PDE1C: variants seen among roughly 807,000 people sequenced by gnomAD.
PDE1C encodes dual specificity calcium/calmodulin-dependent 3',5'-cyclic nucleotide phosphodiesterase 1C.
Under a neutral mutation model 93.1 loss-of-function variants are expected in PDE1C, and 62 were observed. That is an observed-to-expected ratio of 0.67 (90% CI 0.54 to 0.82). The LOEUF is 0.82. PDE1C is among the 40% of genes least tolerant of loss of function. The probability of loss-of-function intolerance (pLI) is 0.00; values close to 1 mark genes in which losing one functional copy is unlikely to be tolerated. For synonymous variants in PDE1C, 325 were observed against 310.1 expected (o/e 1.05, Z -0.50); for missense variants, 742 against 884.6 (o/e 0.84, Z 2.04).
chr7:32,017,688 G>C (rs988482876), intron 2 of PDE1C, among the ~76,000 whole-genome samples: 1 of 151,976 alleles, frequency 6.6e-6, no homozygotes, highest in African/African-American at 2.4e-5. Context: ...ATGAATAAAG[G>C]ATCTGAATAG....
At chr7:32,281,698 C>T (rs146224291) in intron 1 of PDE1C, among the ~76,000 whole-genome samples, 2 of 152,332 alleles carry the variant, frequency 1.3e-5, no homozygotes, top group South Asian at 2.1e-4. Flanking sequence ...GAGCATGAGT[C>T]TCTTTAAAGA....
At chr7:32,323,615 A>T (rs549584958) in intron 1 of PDE1C, among the ~76,000 whole-genome samples, 1 of 152,316 alleles carries the variant, frequency 6.6e-6, no homozygotes, top group South Asian at 2.1e-4. Context: ...GCAAATGGAG[A>T]TGTCAACCAC....
intron 2 of PDE1C, among the ~76,000 whole-genome samples, chr7:32,197,955 T>C (rs1804734467): frequency 1.3e-5 from 2 of 152,220 alleles, no homozygotes; most frequent in Admixed American, 6.5e-5. Context: ...CTTTATAATA[T>C]GTGAATTATA....
chr7:32,396,279 G>A (rs1197588201), intron 1 of PDE1C, among the ~76,000 whole-genome samples: 4 of 152,106 alleles, frequency 2.6e-5, no homozygotes, highest in Non-Finnish European at 4.4e-5. Context: ...AGGAATTCAA[G>A]AGCAGCCAGG....
At chr7:31,926,318 G>A (rs911917751) in intron 2 of PDE1C, among the ~76,000 whole-genome samples, 1 of 152,206 alleles carries the variant, frequency 6.6e-6, no homozygotes, top group African/African-American at 2.4e-5. Context: ...GTACTGTCAT[G>A]AGAATTAAAT....
At chr7:31,704,316 A>G in the PDE1C span, among the ~76,000 whole-genome samples, 2 of 152,192 alleles carry the variant, frequency 1.3e-5, no homozygotes, top group Admixed American at 1.3e-4. Flanking sequence ...TGTAATGTGC[A>G]TGAACTATTT....
upstream of PDE1C, among the ~76,000 whole-genome samples, chr7:32,074,220 T>TAA (rs11395554): frequency 3.3e-5 from 5 of 151,198 alleles, no homozygotes; most frequent in African/African-American, 1.2e-4. Flanking sequence ...GTTAATCTGA[T>TAA]AAAAAAAAAT....
intron 17 of PDE1C, among the ~76,000 whole-genome samples, chr7:31,755,676 A>G (rs748920227): frequency 1.3e-5 from 2 of 152,256 alleles, no homozygotes; most frequent in Non-Finnish European, 2.9e-5. Context: ...AAATTGAGCA[A>G]CAAAATAAAC....
chr7:31,675,571 C>A, the PDE1C span, among the ~76,000 whole-genome samples: 1 of 152,182 alleles, frequency 6.6e-6, no homozygotes, highest in Admixed American at 6.5e-5. Flanking sequence ...GTTTCTCTGG[C>A]TGTACCTTGA....
chr7:32,064,467 C>A (rs1795148592), intron 1 of PDE1C, among the ~76,000 whole-genome samples: 1 of 152,304 alleles, frequency 6.6e-6, no homozygotes, highest in Non-Finnish European at 1.5e-5. Context: ...AACATGCCCC[C>A]TGTTCTTTCA....
chr7:32,178,804 T>G (rs1015346561), intron 2 of PDE1C, among the ~76,000 whole-genome samples: 3 of 152,236 alleles, frequency 2.0e-5, no homozygotes, highest in Admixed American at 2.0e-4. Context: ...CAACTTTTCA[T>G]GGACCCATAA....
chr7:32,323,218 A>G (rs1181463293), intron 1 of PDE1C, among the ~76,000 whole-genome samples: 1 of 152,232 alleles, frequency 6.6e-6, no homozygotes, highest in East Asian at 1.9e-4. Flanking sequence ...AAAGTGCTCC[A>G]GAATAGAAAA....
the PDE1C span, among the ~76,000 whole-genome samples, chr7:31,677,130 C>T: frequency 3.9e-5 from 6 of 152,092 alleles, no homozygotes; most frequent in African/African-American, 1.4e-4. Context: ...CTAAACAGGC[C>T]AATCTCCCCA....
In PDE1C at chr7:32,341,178, T is replaced by TTTATTTTTTTTTTTTTA. The variant is rs1562682190; in HGVS notation, c.310+86643_310+86644insTAAAAAAAAAAAAATAA. On this transcript the variant is annotated intron_variant, in intron 1 of 1. Coordinates refer to the PDE1C transcript ENST00000672256. ...AACTACTCTAGAAATAAAGTCTTTT[T>TTTATTTTTTTTTTTTTA]TTTTTTTTTTTTTTTGAGACGGAGT... Among the ~76,000 whole-genome samples the TTTATTTTTTTTTTTTTA allele has an allele frequency of 1.3e-4, 14 of 110,598 alleles. No homozygotes were observed. In the East Asian group the frequency reaches 2.0e-3, roughly 16 times the overall value. 72.6% of individuals were successfully genotyped at this position (110,598 alleles called of 152,430 possible).
the PDE1C span, among the ~76,000 whole-genome samples, chr7:31,662,266 A>G: frequency 6.6e-6 from 1 of 152,224 alleles, no homozygotes; most frequent in Non-Finnish European, 1.5e-5. Context: ...ATATACAGAG[A>G]TTTTAGTAAA....
intron 11 of PDE1C, among the ~76,000 whole-genome samples, chr7:31,834,957 A>G (rs1790875634): frequency 6.6e-6 from 1 of 152,074 alleles, no homozygotes; most frequent in Admixed American, 6.5e-5. Flanking sequence ...CTGGTGAGAG[A>G]TAACTGAATC....
intron 2 of PDE1C, among the ~76,000 whole-genome samples, chr7:32,008,044 T>C (rs1449502276): frequency 1.3e-5 from 2 of 152,224 alleles, no homozygotes. Flanking sequence ...TGGTTTTTGG[T>C]ATTGTTTTCC....
At chr7:31,843,044 A>C (rs117675234) in intron 9 of PDE1C, among the ~76,000 whole-genome samples, 2,116 of 152,100 alleles carry the variant, frequency 0.014, 22 homozygotes, top group Non-Finnish European at 0.022. Context: ...ATTTTCCTAG[A>C]TATCTTATTG....
chr7:31,880,913 T>G (rs1296207008), intron 2 of PDE1C, 53 bp from the exon 3 acceptor site: 1 of 1,071,436 alleles, frequency 9.3e-7, no homozygotes, highest in Admixed American at 1.8e-5. Context: ...CAAAGAATAA[T>G]CCTACAACTA....
Sources: gnomAD v4.1 joint callset for allele counts (sites outside exome capture counted in the v4.1 genomes callset) on GRCh38, gnomAD v4.1.1 for gene constraint, MANE v1.5 for transcripts, NCBI Gene and HGNC (gene_info 2026-07-23, HGNC 2026-07-21) for gene names.